The following ARPC1B variants were observed in gnomAD, a reference collection of about 807,000 sequenced individuals.
ARPC1B encodes the protein actin related protein 2/3 complex subunit 1B, also known as actin-related protein 2/3 complex subunit 1B.
In ARPC1B, 29 loss-of-function variants were observed where a neutral mutation model predicts 46.0. The ratio of observed to expected loss-of-function variants is 0.63; its 90% CI spans 0.47 to 0.86. ARPC1B has a LOEUF of 0.86. ARPC1B is among the 40% of genes least tolerant of loss of function. ARPC1B has a pLI of 0.00. For synonymous variants in ARPC1B, 201 were observed against 213.9 expected, an observed-to-expected ratio of 0.94 and a Z score of 0.53; for missense variants, 469 against 529.4, an observed-to-expected ratio of 0.89 and a Z score of 1.12.
At chr7:99,389,299 C>G (rs1048128257) in intron 4 of ARPC1B, 3 of 153,192 alleles carry the variant, frequency 2.0e-5, no homozygotes, top group Admixed American at 1.9e-4. Context: ...GTGTTGTGAT[C>G]ATAGCTCACT....
At chr7:99,385,609 G>A in intron 1 of ARPC1B, 93 bp from the exon 2 acceptor site, 2 of 1,113,314 alleles carry the variant, frequency 1.8e-6, no homozygotes, top group Non-Finnish European at 2.6e-6. Context: ...TCCCTGGTGT[G>A]AGGCCTGTGA....
intron 1 of ARPC1B, chr7:99,376,678 C>T (rs1036398175): frequency 1.3e-5 from 2 of 152,238 alleles, no homozygotes; most frequent in Non-Finnish European, 2.9e-5. Flanking sequence ...CGAGACCAGC[C>T]TGACCAACGT....
At chr7:99,391,554 G>A (rs540624931) in intron 7 of ARPC1B, among the ~76,000 whole-genome samples, 101 of 152,118 alleles carry the variant, frequency 6.6e-4, no homozygotes, top group Non-Finnish European at 1.1e-3. Flanking sequence ...AGACCAGCCC[G>A]GGCAACACAG....
intron 1 of ARPC1B, among the ~76,000 whole-genome samples, chr7:99,379,754 G>C (rs184575183): frequency 4.9e-4 from 75 of 151,946 alleles, no homozygotes; most frequent in African/African-American, 1.7e-3. Flanking sequence ...CCACCACCCC[G>C]CCGCTGGGCA....
intron 1 of ARPC1B, among the ~76,000 whole-genome samples, chr7:99,383,033 C>T (rs544750401): frequency 1.3e-5 from 2 of 151,706 alleles, no homozygotes; most frequent in South Asian, 4.2e-4. Flanking sequence ...TTAGTAGAGA[C>T]AGTCTTTCAC....
intron 1 of ARPC1B, among the ~76,000 whole-genome samples, chr7:99,380,000 A>C (rs1794162674): frequency 6.6e-6 from 1 of 152,128 alleles, no homozygotes. Flanking sequence ...GCTGGCTCAC[A>C]GGGCCACAGT....
intron 4 of ARPC1B, 98 bp from the exon 5 acceptor site, chr7:99,389,807 C>A: frequency 9.8e-7 from 1 of 1,025,016 alleles, no homozygotes; most frequent in Non-Finnish European, 1.5e-6. Context: ...CTTTGGTGGG[C>A]TGCAGGGAGC....
At chr7:99,381,890 G>T (rs369966348) in intron 1 of ARPC1B, among the ~76,000 whole-genome samples, 1 of 152,228 alleles carries the variant, frequency 6.6e-6, no homozygotes, top group African/African-American at 2.4e-5. Flanking sequence ...GGCAGCCACC[G>T]GCCTCCTGGG....
At chr7:99,390,781 T>TCC (rs1794547220) in intron 5 of ARPC1B, 112 bp from the exon 6 acceptor site, 1 of 903,386 alleles carries the variant, frequency 1.1e-6, no homozygotes, top group East Asian at 2.5e-5. Flanking sequence ...CACTGCAGCC[T>TCC]TGACCTCCTG....
intron 4 of ARPC1B, 122 bp downstream of exon 4, chr7:99,388,383 C>A: frequency 2.1e-6 from 2 of 940,716 alleles, no homozygotes; most frequent in Non-Finnish European, 3.2e-6. Flanking sequence ...GGAGTCCATC[C>A]TCTCCTCTCT....
At chr7:99,384,860 C>CTTTT (rs1245581099) in intron 1 of ARPC1B, among the ~76,000 whole-genome samples, 6 of 101,184 alleles carry the variant, frequency 5.9e-5, no homozygotes, top group African/African-American at 2.2e-4. Context: ...TACTTCATTT[C>CTTTT]TTTTTTTTTT....
chr7:99,379,892 A>C (rs10236149), intron 1 of ARPC1B, among the ~76,000 whole-genome samples: 3 of 150,296 alleles, frequency 2.0e-5, no homozygotes, highest in African/African-American at 7.4e-5. Flanking sequence ...TGATCCACCC[A>C]CCTCGGCCTC....
intron 1 of ARPC1B, among the ~76,000 whole-genome samples, chr7:99,376,813 T>A (rs1175175179): frequency 6.7e-6 from 1 of 148,188 alleles, no homozygotes; most frequent in Non-Finnish European, 1.5e-5. Flanking sequence ...GAGGTTGCGG[T>A]GAGCCAAGAT....
intron 1 of ARPC1B, among the ~76,000 whole-genome samples, chr7:99,381,908 G>T (rs1794237535): frequency 6.6e-6 from 1 of 152,234 alleles, no homozygotes. Flanking sequence ...GGGGCATTCA[G>T]GGTTCCCAGT....
At chr7:99,375,200 GCGGT>G (rs1490351294) in intron 1 of ARPC1B, among the ~76,000 whole-genome samples, 17 of 149,352 alleles carry the variant, frequency 1.1e-4, no homozygotes, top group Admixed American at 9.3e-4. Context: ...GCCTTGCCCC[GCGGT>G]CGGTCGGTGT....
Position 99,394,575 on chromosome 7 carries a change from T to A in ARPC1B, c.*86T>A, listed in dbSNP as rs1478794389. On this transcript the variant is annotated 3_prime_UTR_variant, in exon 10 of 10. Transcript: ENST00000646101. ...AGGCTAATGGTTGCTTTGCTGAATG[T>A]TTCTGGGGTACCAATACGAGTTCCC... The A allele has an allele frequency of 3.7e-6, 6 of 1,605,580 alleles. No homozygotes were observed. Among genetic ancestry groups the A allele is most frequent in the Non-Finnish European group, 5.1e-6 (6 of 1,175,694 alleles).
chr7:99,392,858 T>G lies in ARPC1B; in HGVS notation c.971T>G (p.Leu324Arg), dbSNP rs763236374. ...GTAAGAGLDS[L>R]HKNSVSQISV... The stretch of plus-strand genomic sequence containing the variant: ...GCTGCGGGCGCGGGCCTAGACTCGC[T>G]GCACAAGAACAGCGTCAGGTGAGAG... Residue 324 changes from leucine (L) to arginine (R), a missense_variant, in exon 8 of 10, where the codon CTG (leucine) becomes CGG (arginine). Leu to Arg is a moderately radical substitution (Grantham distance 102). Transcript: ENST00000646101. 34 of 1,546,826 alleles carry G rather than the reference T, an allele frequency of 2.2e-5. No homozygotes were observed. The highest frequency in any genetic ancestry group is 3.0e-5 in the Non-Finnish European group (34 of 1,144,496).
chr7:99,391,144 TG>T (rs2150896368), intron 6 of ARPC1B, 33 bp from the exon 7 acceptor site: 1 of 1,612,896 alleles, frequency 6.2e-7, no homozygotes, highest in East Asian at 2.2e-5. Context: ...TGCAGAGGAG[TG>T]GGACACCGTG....
In ARPC1B at chr7:99,385,729, C is replaced by T. The variant is rs773904592; in HGVS notation, c.15C>T (p.Ser5=). MAYH[S]FLVEPISCHA... ...GCCAAGCCGCCATGGCCTACCACAG[C>T]TTCCTGGTGGAGCCCATCAGCTGCC... The change falls in exon 2 of 10, where the codon AGC becomes AGT. Residue 5 remains serine (S), a synonymous_variant. Transcript: ENST00000646101. The T allele has an allele frequency of 6.2e-7, 1 of 1,611,120 alleles. No individual in the cohort carries two copies. Among genetic ancestry groups the T allele is most frequent in the South Asian group, 1.1e-5 (1 of 90,402 alleles).
Sources: allele counts gnomAD v4.1 joint callset (sites outside exome capture counted in the v4.1 genomes callset), GRCh38; gene constraint gnomAD v4.1.1; transcripts MANE v1.5; gene names NCBI Gene and HGNC (gene_info 2026-07-23, HGNC 2026-07-21).